The following AKAP12 variants were observed in gnomAD, a reference collection of about 807,000 sequenced individuals.
The protein encoded by AKAP12 is A-kinase anchoring protein 12.
In AKAP12, 32 loss-of-function variants were observed where a neutral mutation model predicts 79.9. The ratio of observed to expected loss-of-function variants is 0.40; its 90% CI spans 0.30 to 0.54. AKAP12 has a LOEUF of 0.54. AKAP12 is among the 20% of genes least tolerant of loss of function. The pLI is 0.48. For missense variants in AKAP12, 2,074 were observed against 2,177.0 expected (o/e 0.95, Z 0.94); for synonymous variants, 808 against 857.0 (o/e 0.94, Z 1.00).
chr6:151,249,983 G>A (rs866759816), intron 2 of AKAP12, among the ~76,000 whole-genome samples: 3 of 152,190 alleles, frequency 2.0e-5, no homozygotes, highest in Admixed American at 6.5e-5. Context: ...GGTGGCTCAT[G>A]CCTATAATCC....
chr6:151,330,488 A>T (rs1383590288), intron 3 of AKAP12, among the ~76,000 whole-genome samples: 2 of 152,200 alleles, frequency 1.3e-5, no homozygotes, highest in Non-Finnish European at 2.9e-5. Flanking sequence ...AAATTCCAGG[A>T]CAATGCTACG....
chr6:151,275,406 T>C (rs767482579), intron 2 of AKAP12, among the ~76,000 whole-genome samples: 3 of 152,048 alleles, frequency 2.0e-5, no homozygotes, highest in African/African-American at 4.8e-5. Flanking sequence ...CCTAAAATTG[T>C]ACATTTTCCA....
In AKAP12 at chr6:151,242,406, CCAAA is replaced by C. The variant is rs562627983; in HGVS notation, c.162+1686_162+1689del. On this transcript the variant is annotated intron_variant, in intron 2 of 4. Transcript: ENST00000402676. ...CAAGTTGCCAACCGTCTTGAAGCAA[CCAAA>C]CAACCTCCTTTTAAAAAATCACTTA... Among the ~76,000 whole-genome samples the C allele has an allele frequency of 2.0e-3, 308 of 152,294 alleles. 3 individuals are homozygous for C. Among genetic ancestry groups the C allele is most frequent in the African/African-American group, 7.0e-3 (290 of 41,572 alleles).
chr6:151,259,579 CTT>C (rs35514304), intron 2 of AKAP12, among the ~76,000 whole-genome samples: 45,948 of 102,146 alleles, frequency 0.45, 9,986 homozygotes, highest in African/African-American at 0.71. Context: ...CCTTTTTTTC[CTT>C]TTTTTTTTTT....
chr6:151,342,235 T>C (rs939205347), intron 3 of AKAP12, among the ~76,000 whole-genome samples: 22 of 152,268 alleles, frequency 1.4e-4, no homozygotes, highest in African/African-American at 5.1e-4. Context: ...ACACTTGGGC[T>C]GCGCCATGGG....
intron 2 of AKAP12, among the ~76,000 whole-genome samples, chr6:151,262,851 G>A (rs1213584609): frequency 6.6e-6 from 1 of 152,114 alleles, no homozygotes; most frequent in African/African-American, 2.4e-5. Flanking sequence ...CCATCTCACA[G>A]GCCTGCTTGG....
intron 2 of AKAP12, among the ~76,000 whole-genome samples, chr6:151,251,836 A>G (rs957445070): frequency 3.9e-5 from 6 of 152,120 alleles, no homozygotes; most frequent in Admixed American, 3.3e-4. Context: ...GTCTTTACTA[A>G]AAATACAAAA....
Position 151,350,784 on chromosome 6 carries a change from C to G in AKAP12, c.2393C>G (p.Pro798Arg). The change falls in exon 4 of 5, where the codon CCC (proline) becomes CGC (arginine). Residue 798 changes from proline (P) to arginine (R), a missense_variant. Around this residue, in one of 3 missense-constraint regions of AKAP12, gnomAD observed 1,428 missense variants for 1,451.0 expected, o/e 0.98. Coordinates refer to ENST00000402676, the MANE Select transcript of AKAP12 (RefSeq NM_005100.4). This position sits in a 1 kb window ranked among gnomAD's most constrained non-coding sequence, Gnocchi z 4.8. ...GVEHSTPDTE[P>R]GKEESWVSIK... ...GAACATTCCACTCCAGACACTGAAC[C>G]CGGTAAAGAAGAATCCTGGGTCTCA... The G allele has an allele frequency of 6.2e-7, 1 of 1,613,932 alleles. No individual in the cohort carries two copies. Among genetic ancestry groups the G allele is most frequent in the Non-Finnish European group, 8.5e-7 (1 of 1,179,914 alleles).
At chr6:151,259,068 G>A (rs915765200) in intron 2 of AKAP12, among the ~76,000 whole-genome samples, 16 of 143,430 alleles carry the variant, frequency 1.1e-4, no homozygotes, top group South Asian at 4.5e-4. Flanking sequence ...TATTGGAGAC[G>A]GAGTCTTGCT....
intron 2 of AKAP12, among the ~76,000 whole-genome samples, chr6:151,303,279 C>G (rs1162168022): frequency 1.3e-5 from 2 of 152,158 alleles, no homozygotes; most frequent in Non-Finnish European, 1.5e-5. Flanking sequence ...TTCCCTACCC[C>G]CTGCTTTTGT....
At chr6:151,271,935 C>T (rs916917478) in intron 2 of AKAP12, among the ~76,000 whole-genome samples, 2 of 152,208 alleles carry the variant, frequency 1.3e-5, no homozygotes, top group African/African-American at 2.4e-5. Flanking sequence ...GCTGGGGTTA[C>T]AGGCGTGAGC....
chr6:151,245,248 C>T (rs1254051112), intron 2 of AKAP12, among the ~76,000 whole-genome samples: 3 of 150,764 alleles, frequency 2.0e-5, no homozygotes, highest in East Asian at 1.9e-4. Context: ...GCCATTCATG[C>T]GAAGTTAGAA....
chr6:151,255,314 C>T (rs965163236), intron 2 of AKAP12, among the ~76,000 whole-genome samples: 3 of 152,052 alleles, frequency 2.0e-5, no homozygotes, highest in South Asian at 2.1e-4. Flanking sequence ...TACAGGCATG[C>T]ACCACCACGC....
chr6:151,288,632 AT>A (rs2114733585), intron 2 of AKAP12, among the ~76,000 whole-genome samples: 1 of 152,352 alleles, frequency 6.6e-6, no homozygotes, highest in South Asian at 2.1e-4. Context: ...CCCCTGAAGT[AT>A]TTAATTAATA....
intron 2 of AKAP12, among the ~76,000 whole-genome samples, chr6:151,261,733 T>A (rs868104706): frequency 2.8e-5 from 4 of 144,030 alleles, no homozygotes; most frequent in East Asian, 2.1e-4. Context: ...GTTTTTATTA[T>A]TTTATTTATT....
intron 3 of AKAP12, among the ~76,000 whole-genome samples, chr6:151,330,934 C>A (rs187883140): frequency 2.0e-5 from 3 of 152,032 alleles, no homozygotes; most frequent in Admixed American, 6.6e-5. Context: ...GATCATGGAG[C>A]GTTTGCAGCT....
At chr6:151,348,017 CAA>C (rs34068923) in intron 3 of AKAP12, among the ~76,000 whole-genome samples, 15 of 142,714 alleles carry the variant, frequency 1.1e-4, no homozygotes, top group Non-Finnish European at 1.7e-4. Context: ...ACTAAAAATA[CAA>C]AAAAAAAAAA....
At chr6:151,254,018 G>T (rs147943660) in intron 2 of AKAP12, among the ~76,000 whole-genome samples, 2 of 151,970 alleles carry the variant, frequency 1.3e-5, no homozygotes, top group Non-Finnish European at 2.9e-5. Context: ...CAGAAATGAC[G>T]TATTTATCCA....
intron 3 of AKAP12, among the ~76,000 whole-genome samples, chr6:151,328,342 A>AGAAAAG (rs1777585208): frequency 6.9e-6 from 1 of 145,230 alleles, no homozygotes. Flanking sequence ...AAAAAAAAAA[A>AGAAAAG]ATTGACAGTA....
Sources: allele counts gnomAD v4.1 joint callset (sites outside exome capture counted in the v4.1 genomes callset), GRCh38; gene constraint gnomAD v4.1.1; regional missense constraint gnomAD v4.1.1; non-coding constraint Gnocchi (gnomAD v3.1); transcripts MANE v1.5; gene names NCBI Gene and HGNC (gene_info 2026-07-23, HGNC 2026-07-21).